The following CLSTN2 variants were observed in gnomAD, a reference collection of about 807,000 sequenced individuals.
CLSTN2 encodes the protein calsyntenin-2.
In CLSTN2, 48 loss-of-function variants were observed where a neutral mutation model predicts 101.2. The observed-to-expected ratio is 0.47, with a 90% CI of 0.38 to 0.60. The LOEUF (loss-of-function observed/expected upper bound fraction) is 0.60, where lower values mean the gene tolerates loss of function less well. Ranked by LOEUF, CLSTN2 falls within the 20% of genes least tolerant of loss-of-function variation. The probability of loss-of-function intolerance (pLI) is 0.00; values close to 1 mark genes in which losing one functional copy is unlikely to be tolerated. For missense variants in CLSTN2, 1,160 were observed against 1,238.2 expected, an observed-to-expected ratio of 0.94 and a Z score of 0.95; for synonymous variants, 481 against 463.6, an observed-to-expected ratio of 1.04 and a Z score of -0.48.
At chr3:140,496,039 A>C (rs553344650) in intron 8 of CLSTN2, among the ~76,000 whole-genome samples, 55 of 152,314 alleles carry the variant, frequency 3.6e-4, no homozygotes, top group South Asian at 3.3e-3. Flanking sequence ...CATTGAATCT[A>C]TAAATTACTT....
At chr3:139,948,477 C>G (rs1008541259) in intron 1 of CLSTN2, among the ~76,000 whole-genome samples, 2 of 151,252 alleles carry the variant, frequency 1.3e-5, no homozygotes, top group South Asian at 2.1e-4. Flanking sequence ...AAAAAAAAAG[C>G]AAAGAAAAAA....
At chr3:140,241,405 G>C (rs941131488) in intron 2 of CLSTN2, among the ~76,000 whole-genome samples, 1 of 152,056 alleles carries the variant, frequency 6.6e-6, no homozygotes, top group African/African-American at 2.4e-5. Context: ...TCAATGTTTC[G>C]TGAGTCCACC....
intron 1 of CLSTN2, among the ~76,000 whole-genome samples, chr3:140,005,040 G>T (rs1317947309): frequency 6.6e-6 from 1 of 152,212 alleles, no homozygotes; most frequent in East Asian, 1.9e-4. Context: ...GGAAGAAAGA[G>T]TGGTGGTCTG....
intron 2 of CLSTN2, among the ~76,000 whole-genome samples, chr3:140,251,087 C>A (rs998474493): frequency 6.6e-6 from 1 of 152,134 alleles, no homozygotes; most frequent in Non-Finnish European, 1.5e-5. Flanking sequence ...TGAGTAGTTG[C>A]CTCTGTGAAT....
chr3:140,425,689 G>C (rs779361074), intron 5 of CLSTN2, among the ~76,000 whole-genome samples: 1 of 152,212 alleles, frequency 6.6e-6, no homozygotes, highest in South Asian at 2.1e-4. Flanking sequence ...AGCTTACAGC[G>C]AGGGGAGGAA....
At chr3:140,467,508 G>A (rs1342027908) in intron 8 of CLSTN2, among the ~76,000 whole-genome samples, 2 of 152,148 alleles carry the variant, frequency 1.3e-5, no homozygotes, top group Non-Finnish European at 2.9e-5. Context: ...CAGAAAATGG[G>A]ATTAAGGAAT....
chr3:140,211,712 T>A (rs988179028), intron 2 of CLSTN2, among the ~76,000 whole-genome samples: 9 of 152,010 alleles, frequency 5.9e-5, no homozygotes, highest in African/African-American at 2.2e-4. Context: ...GACACCATAT[T>A]TGAATAGGAA....
chr3:140,064,075 G>T (rs1230683265), intron 1 of CLSTN2, among the ~76,000 whole-genome samples: 1 of 152,168 alleles, frequency 6.6e-6, no homozygotes, highest in African/African-American at 2.4e-5. Flanking sequence ...GTGAGCAAGC[G>T]TGAACAGATA....
rs1404617841 is a variant in CLSTN2, at chr3:140,568,654, C to T, written c.*2401C>T. On this transcript the variant is annotated 3_prime_UTR_variant, in exon 17 of 17. Transcript: ENST00000458420. Reference sequence around the variant, plus strand: ...ACACTTCATATGCTTAAAACCCATTCTTTTTGAATTAGATTTTGATTTTAA... The same window carrying T: ...ACACTTCATATGCTTAAAACCCATTTTTTTTGAATTAGATTTTGATTTTAA... 1 of 152,140 alleles carries T rather than the reference C, an allele frequency of 6.6e-6. No individual in the cohort carries two copies. Among genetic ancestry groups the T allele is most frequent in the Non-Finnish European group, 1.5e-5 (1 of 68,024 alleles). The allele number at this position is 152,140 out of a possible 1,614,324, so 9.4% of individuals were successfully genotyped here.
At chr3:139,943,292 C>T (rs1935164481) in intron 1 of CLSTN2, among the ~76,000 whole-genome samples, 1 of 152,154 alleles carries the variant, frequency 6.6e-6, no homozygotes, top group Non-Finnish European at 1.5e-5. Context: ...TTGCTTCTGC[C>T]TTGTTTAGCA....
chr3:140,421,307 A>G (rs940308191), intron 5 of CLSTN2, 33 bp downstream of exon 5: 6 of 1,612,868 alleles, frequency 3.7e-6, no homozygotes, highest in African/African-American at 2.7e-5. Context: ...GTGTGAAGGC[A>G]GCATGGTCTG....
At chr3:140,358,172 C>G (rs2087693528) in intron 2 of CLSTN2, among the ~76,000 whole-genome samples, 2 of 152,150 alleles carry the variant, frequency 1.3e-5, no homozygotes. Flanking sequence ...TCCTGCCTCT[C>G]CAGTCTCTCA....
chr3:139,949,531 G>A (rs115419402), intron 1 of CLSTN2, among the ~76,000 whole-genome samples: 1 of 152,298 alleles, frequency 6.6e-6, no homozygotes, highest in Non-Finnish European at 1.5e-5. Context: ...GAGCCCAGCT[G>A]GGGTTAGGGA....
intron 1 of CLSTN2, among the ~76,000 whole-genome samples, chr3:140,097,837 T>C (rs2008896870): frequency 6.6e-6 from 1 of 152,206 alleles, no homozygotes; most frequent in African/African-American, 2.4e-5. Flanking sequence ...AAGAATGTAA[T>C]TATTTCCCCC....
chr3:140,519,515 C>A lies in CLSTN2; in HGVS notation c.1345-12809C>A, dbSNP rs567886625. On this transcript the variant is annotated intron_variant, in intron 8 of 16. Transcript: ENST00000458420. Reference sequence around the variant, plus strand: ...AACTTGATTTATGAATATGGTTCTCCTGTATTGAGTGCATATATATTTAGG... The same window carrying A: ...AACTTGATTTATGAATATGGTTCTCATGTATTGAGTGCATATATATTTAGG... Among the ~76,000 whole-genome samples the A allele has an allele frequency of 1.8e-3, 270 of 152,266 alleles. 2 individuals are homozygous for A. The highest frequency in any genetic ancestry group is 6.1e-3 in the African/African-American group (253 of 41,530).
intron 2 of CLSTN2, among the ~76,000 whole-genome samples, chr3:140,259,120 A>G (rs1490368827): frequency 1.3e-5 from 2 of 151,426 alleles, no homozygotes; most frequent in Non-Finnish European, 2.9e-5. Flanking sequence ...TTTTTTTAAA[A>G]GACAAAATTT....
chr3:140,087,629 G>A (rs1045373857), intron 1 of CLSTN2, among the ~76,000 whole-genome samples: 6 of 152,186 alleles, frequency 3.9e-5, no homozygotes, highest in African/African-American at 1.4e-4. Context: ...TGAGGGTTGT[G>A]CTTTGAGAGT....
chr3:140,556,910 G>A, intron 11 of CLSTN2: 1 of 440,750 alleles, frequency 2.3e-6, no homozygotes, highest in Non-Finnish European at 4.1e-6. Flanking sequence ...TGCCTAGAAG[G>A]TACTACTTTC....
At position 139,947,536 on chromosome 3, in the gene CLSTN2, T is replaced by C. The variant is rs569755219; in HGVS notation, c.109+12053T>C. Among the ~76,000 whole-genome samples the C allele has an allele frequency of 2.6e-5, 4 of 152,354 alleles. No individual in the cohort carries two copies. The East Asian group carries it at 7.7e-4, about 29-fold the overall frequency. On this transcript the variant is annotated intron_variant, in intron 1 of 16. Coordinates refer to ENST00000458420, the MANE Select transcript of CLSTN2 (RefSeq NM_022131.3). ...CATGATATTTTAAGAGTTTTCTTTT[T>C]TCTATGATGCTTTTATTTGTGGGAG... is the stretch of plus-strand genomic sequence containing the variant.
Sources: allele counts gnomAD v4.1 joint callset (sites outside exome capture counted in the v4.1 genomes callset), GRCh38; gene constraint gnomAD v4.1.1; transcripts MANE v1.5; gene names NCBI Gene and HGNC (gene_info 2026-07-23, HGNC 2026-07-21).